DNAJB6: variants seen among roughly 807,000 people sequenced by gnomAD.
DNAJB6 encodes the protein DnaJ heat shock protein family (Hsp40) member B6.
In DNAJB6, 16 loss-of-function variants were observed where a neutral mutation model predicts 42.7. The ratio of observed to expected loss-of-function variants is 0.37; its 90% CI spans 0.25 to 0.57. DNAJB6 has a LOEUF of 0.57. Among genes scored for constraint, DNAJB6 ranks in the 20% least tolerant of loss-of-function variants. The pLI is 0.74. For missense variants in DNAJB6, 347 were observed against 416.8 expected, an observed-to-expected ratio of 0.83 and a Z score of 1.46; for synonymous variants, 170 against 163.5, an observed-to-expected ratio of 1.04 and a Z score of -0.30.
In DNAJB6 at chr7:157,357,134, A is replaced by G. The variant is rs148531837; in HGVS notation, c.-26-1413A>G. ...AGCAACAAAGTGAGACCCTGTCTCA[A>G]TTAAAAAAAAAAACAAAAAACAAAA... On this transcript the variant is annotated intron_variant, in intron 1 of 9. Transcript: ENST00000262177. Among the ~76,000 whole-genome samples, 722 of 150,206 alleles carry G rather than the reference A, an allele frequency of 4.8e-3. 14 individuals are homozygous for G. The highest frequency in any genetic ancestry group is 0.016 in the African/African-American group (670 of 40,680).
chr7:157,338,131 A>G (rs189776849), intron 1 of DNAJB6, among the ~76,000 whole-genome samples: 2 of 152,368 alleles, frequency 1.3e-5, no homozygotes, highest in Admixed American at 6.5e-5. Flanking sequence ...TTGATTTAGT[A>G]GAAAAGTTAG....
chr7:157,405,621 C>A (rs7811566), intron 8 of DNAJB6, among the ~76,000 whole-genome samples: 6,759 of 152,266 alleles, frequency 0.044, 541 homozygotes, highest in African/African-American at 0.15. Flanking sequence ...GTCTGGAGAG[C>A]CTGTCATGGC....
In DNAJB6 at chr7:157,369,944, T is replaced by G. The variant is rs150274397; in HGVS notation, c.346+2461T>G. Among the ~76,000 whole-genome samples, 333 of 148,024 alleles carry G rather than the reference T, an allele frequency of 2.2e-3. 8 individuals are homozygous for G. The East Asian group carries it at 0.053, about 23-fold the overall frequency. On this transcript the variant is annotated intron_variant, in intron 5 of 9. Coordinates refer to ENST00000262177, the MANE Select transcript of DNAJB6 (RefSeq NM_058246.4). ...TTAACATTATTATTAAACGGGACCC[T>G]TCTTAAGATTATTAAACGGGCCCTT...
At chr7:157,368,880 G>C (rs1408353484) in intron 5 of DNAJB6, 1 of 202,944 alleles carries the variant, frequency 4.9e-6, no homozygotes, top group African/African-American at 2.4e-5. Flanking sequence ...AGATAATACA[G>C]GGGAGAAACG....
At chr7:157,337,335 A>G (rs10278185) in intron 1 of DNAJB6, among the ~76,000 whole-genome samples, 191 bp downstream of exon 1, 1 of 149,814 alleles carries the variant, frequency 6.7e-6, no homozygotes, top group Admixed American at 6.6e-5. Flanking sequence ...CCTCTGGGTC[A>G]GGTCTGGGGC....
intron 2 of DNAJB6, among the ~76,000 whole-genome samples, chr7:157,360,414 G>C (rs1050351831): frequency 6.6e-6 from 1 of 152,188 alleles, no homozygotes; most frequent in African/African-American, 2.4e-5. Context: ...TGAGATTTGG[G>C]TGGGGACATA....
chr7:157,382,116 TTGTTAAA>T, intron 5 of DNAJB6, 123 bp from the exon 6 acceptor site: 1 of 1,029,394 alleles, frequency 9.7e-7, no homozygotes, highest in South Asian at 1.9e-5. Context: ...ATAAGCTCTT[TTGTTAAA>T]ACCTCTTAAG....
chr7:157,384,123 A>G (rs1800930710), intron 6 of DNAJB6, among the ~76,000 whole-genome samples: 1 of 152,226 alleles, frequency 6.6e-6, no homozygotes, highest in African/African-American at 2.4e-5. Flanking sequence ...TCTAACCAGT[A>G]GACCAGCTTT....
chr7:157,346,502 A>G (rs1428560787), intron 1 of DNAJB6, among the ~76,000 whole-genome samples: 1 of 152,150 alleles, frequency 6.6e-6, no homozygotes, highest in Non-Finnish European at 1.5e-5. Context: ...TTTATCATCT[A>G]ATACACAGTT....
At chr7:157,370,181 C>CAGGCCCCTTCTCAACATTATTATTAAAT (rs1800120467) in intron 5 of DNAJB6, among the ~76,000 whole-genome samples, 1 of 144,658 alleles carries the variant, frequency 6.9e-6, no homozygotes, top group Non-Finnish European at 1.5e-5. Context: ...TATTATTAAA[C>CAGGCCCCTTCTCAACATTATTATTAAAT]AGGCCCCTTC....
intron 1 of DNAJB6, among the ~76,000 whole-genome samples, chr7:157,357,436 C>T (rs939034821): frequency 6.6e-6 from 1 of 150,416 alleles, no homozygotes; most frequent in Admixed American, 6.7e-5. Flanking sequence ...TTCAGCCTCC[C>T]GAGTAGCTGG....
At chr7:157,388,222 A>G (rs534064002) in intron 8 of DNAJB6, among the ~76,000 whole-genome samples, 9 of 152,316 alleles carry the variant, frequency 5.9e-5, no homozygotes, top group East Asian at 3.9e-4. Flanking sequence ...TAGAAAGCCT[A>G]TTTGTTGCTG....
intron 5 of DNAJB6, among the ~76,000 whole-genome samples, chr7:157,373,452 G>A (rs574216275): frequency 1.3e-5 from 2 of 152,160 alleles, no homozygotes; most frequent in East Asian, 3.9e-4. Flanking sequence ...CCAGGTTCAA[G>A]TGATTCTCTT....
intron 8 of DNAJB6, among the ~76,000 whole-genome samples, chr7:157,399,556 G>A (rs1801749642): frequency 6.6e-6 from 1 of 152,226 alleles, no homozygotes; most frequent in South Asian, 2.1e-4. Flanking sequence ...GCCGGGCCCT[G>A]CAGCCTGGGT....
chr7:157,404,491 A>G (rs1584946868), intron 8 of DNAJB6, among the ~76,000 whole-genome samples: 6 of 118,388 alleles, frequency 5.1e-5, no homozygotes, highest in South Asian at 2.7e-4. Flanking sequence ...TTTTTGATAG[A>G]GATGGGGTCT....
intron 1 of DNAJB6, among the ~76,000 whole-genome samples, chr7:157,355,295 G>C (rs1236520877): frequency 2.0e-5 from 3 of 152,166 alleles, no homozygotes; most frequent in Non-Finnish European, 4.4e-5. Context: ...CGAGTAGCTG[G>C]GACTACAGGC....
intron 5 of DNAJB6, chr7:157,369,562 C>T (rs1800014262): frequency 8.7e-6 from 3 of 345,216 alleles, no homozygotes; most frequent in South Asian, 4.4e-5. Context: ...GCTTTCTTAC[C>T]ATTATTATTA....
At position 157,357,212 on chromosome 7, in the gene DNAJB6, GTCCTTCCTTCCTTCCTTCCT is replaced by G. The variant is rs112834824; in HGVS notation, c.-26-1303_-26-1284del. Among the ~76,000 whole-genome samples, 124 of 61,842 alleles carry G rather than the reference GTCCTTCCTTCCTTCCTTCCT, an allele frequency of 2.0e-3. 14 individuals carry two copies. The highest frequency in any genetic ancestry group is 0.016 in the South Asian group (34 of 2,102). The allele number at this position is 61,842 out of a possible 152,430, so 40.6% of individuals were successfully genotyped here. ...GTCTTTGTGGCTTTGTGATACTGTT[GTCCTTCCTTCCTTCCTTCCT>G]TCCTTCCTTCCTTCCTTCCTTCCTT... On this transcript the variant is annotated intron_variant, in intron 1 of 9. Transcript: ENST00000262177.
At chr7:157,385,692 A>G (rs1486638124) in intron 8 of DNAJB6, 81 bp downstream of exon 8, 2 of 1,586,032 alleles carry the variant, frequency 1.3e-6, no homozygotes, top group Admixed American at 1.9e-5. Flanking sequence ...AACAAGCACC[A>G]TTTGAGGATT....
Sources: gnomAD v4.1 joint callset for allele counts (sites outside exome capture counted in the v4.1 genomes callset) on GRCh38, gnomAD v4.1.1 for gene constraint, MANE v1.5 for transcripts, NCBI Gene and HGNC (gene_info 2026-07-23, HGNC 2026-07-21) for gene names.